ARL3: variants seen among roughly 807,000 people sequenced by gnomAD.
ARL3 encodes ADP-ribosylation factor-like protein 3.
In ARL3, 9 loss-of-function variants were observed where a neutral mutation model predicts 26.0. That is an observed-to-expected ratio of 0.35 (90% CI 0.21 to 0.60). ARL3 has a LOEUF of 0.60. Ranked by LOEUF, ARL3 falls within the 20% of genes least tolerant of loss-of-function variation. The pLI is 0.78. For missense variants in ARL3, 158 were observed against 215.7 expected, an observed-to-expected ratio of 0.73 and a Z score of 1.67; for synonymous variants, 71 against 78.4, an observed-to-expected ratio of 0.91 and a Z score of 0.50.
rs778332463 is a variant in ARL3 at position 102,685,845 on chromosome 10, A to C, written c.472T>G (p.Cys158Gly). The C allele has an allele frequency of 2.5e-6, 4 of 1,613,624 alleles. No homozygotes were observed. In the Admixed American group the frequency reaches 6.7e-5, roughly 27 times the overall value. The change falls in exon 5 of 6, where the codon TGC becomes GGC. Residue 158 changes from cysteine (C) to glycine (G), a missense_variant. Coordinates refer to ENST00000260746, the MANE Select transcript of ARL3 (RefSeq NM_004311.4). ...IRDRVWQIQS[C>G]SALTGEGVQD... The stretch of plus-strand genomic sequence containing the variant: ...ACGCCCTCTCCTGTGAGAGCTGAGC[A>C]AGACTGGATCTGCCAGACTCGGTCG...
At chr10:102,711,446 A>G (rs1177365922) in intron 1 of ARL3, among the ~76,000 whole-genome samples, 1 of 151,944 alleles carries the variant, frequency 6.6e-6, no homozygotes, top group African/African-American at 2.4e-5. Flanking sequence ...CACTGCACAC[A>G]GTTTCAGCTA....
chr10:102,709,983 G>A (rs2064329866), intron 1 of ARL3, among the ~76,000 whole-genome samples: 2 of 150,798 alleles, frequency 1.3e-5, no homozygotes, highest in Admixed American at 6.6e-5. Context: ...GCAGTGAGCC[G>A]AGATCACACC....
intron 5 of ARL3, among the ~76,000 whole-genome samples, chr10:102,684,052 T>C (rs1039587285): frequency 1.5e-4 from 23 of 152,338 alleles, no homozygotes; most frequent in African/African-American, 5.3e-4. Flanking sequence ...AGAGCTGTAC[T>C]TGCACTTTCT....
intron 2 of ARL3, among the ~76,000 whole-genome samples, chr10:102,701,644 G>C (rs2064279967): frequency 6.6e-6 from 1 of 152,100 alleles, no homozygotes. Flanking sequence ...CAGTAATACT[G>C]AATCCTTTCT....
chr10:102,679,712 C>T (rs749606303), intron 5 of ARL3, among the ~76,000 whole-genome samples: 49 of 152,170 alleles, frequency 3.2e-4, no homozygotes, highest in Non-Finnish European at 6.6e-4. Context: ...CCTGCAGCTC[C>T]GATAGTGCCA....
chr10:102,686,071 C>CTTT (rs762594294), intron 4 of ARL3, 70 bp from the exon 5 acceptor site: 447 of 874,322 alleles, frequency 5.1e-4, no homozygotes, highest in South Asian at 8.2e-4. Context: ...CCATACACTA[C>CTTT]TTTTTTTTTT....
chr10:102,704,183 AT>A (rs924400599), intron 2 of ARL3, among the ~76,000 whole-genome samples: 10 of 147,646 alleles, frequency 6.8e-5, no homozygotes, highest in Non-Finnish European at 1.2e-4. Flanking sequence ...AAGGCAGGTA[AT>A]TTTTTTTTCT....
At chr10:102,704,704 G>C (rs1043325978) in intron 2 of ARL3, among the ~76,000 whole-genome samples, 2 of 152,036 alleles carry the variant, frequency 1.3e-5, no homozygotes, top group African/African-American at 2.4e-5. Flanking sequence ...AGATCTGCTG[G>C]ATTTGTCTAT....
chr10:102,677,058 TAG>T, intron 5 of ARL3, 117 bp from the exon 6 acceptor site: 1 of 1,201,048 alleles, frequency 8.3e-7, no homozygotes, highest in South Asian at 1.3e-5. Flanking sequence ...CCGCCAGCTT[TAG>T]GGAGTTTGCT....
chr10:102,680,696 G>A (rs2064152364), intron 5 of ARL3, among the ~76,000 whole-genome samples: 1 of 152,162 alleles, frequency 6.6e-6, no homozygotes, highest in African/African-American at 2.4e-5. Flanking sequence ...TAGCTGGAAG[G>A]AAGCGGTGGC....
At chr10:102,683,096 T>C (rs2064164594) in intron 5 of ARL3, among the ~76,000 whole-genome samples, 1 of 152,198 alleles carries the variant, frequency 6.6e-6, no homozygotes, top group Admixed American at 6.5e-5. Context: ...TAAGCAATGC[T>C]GGAAAGGAAT....
chr10:102,713,777 G>A (rs1229021537), intron 1 of ARL3, among the ~76,000 whole-genome samples: 1 of 152,176 alleles, frequency 6.6e-6, no homozygotes, highest in Non-Finnish European at 1.5e-5. Flanking sequence ...AGCGCGAGAA[G>A]GAGGAGAGCT....
At chr10:102,695,525 T>A (rs901552314) in intron 3 of ARL3, among the ~76,000 whole-genome samples, 2 of 150,946 alleles carry the variant, frequency 1.3e-5, no homozygotes, top group Non-Finnish European at 3.0e-5. Context: ...TGATTTAAAA[T>A]TTTTTTTTTG....
intron 3 of ARL3, among the ~76,000 whole-genome samples, chr10:102,696,178 A>G (rs962148916): frequency 6.7e-6 from 1 of 148,592 alleles, no homozygotes; most frequent in Admixed American, 6.8e-5. Context: ...GTTAGCCAGG[A>G]TGGTCTCGAT....
chr10:102,686,994 C>A (rs551622428), intron 4 of ARL3, among the ~76,000 whole-genome samples: 3 of 150,880 alleles, frequency 2.0e-5, no homozygotes, highest in Non-Finnish European at 4.4e-5. Context: ...TCTGCCTCAG[C>A]CTCCCAAGTG....
chr10:102,679,693 C>A (rs2064145890), intron 5 of ARL3, among the ~76,000 whole-genome samples: 1 of 152,124 alleles, frequency 6.6e-6, no homozygotes, highest in Non-Finnish European at 1.5e-5. Flanking sequence ...GTAGCCCCAG[C>A]CAAGCCTCCC....
intron 2 of ARL3, among the ~76,000 whole-genome samples, chr10:102,703,924 T>A (rs561244590): frequency 6.6e-6 from 1 of 151,360 alleles, no homozygotes; most frequent in Non-Finnish European, 1.5e-5. Context: ...CCGAGGCAGG[T>A]GGACTGCCTG....
At position 102,675,598 on chromosome 10, in the gene ARL3, G is replaced by A. The variant is rs1423058840; in HGVS notation, c.*1296C>T. ...CCCATGTTTGAAGCTGAGGATTTCT[G>A]AGGTTCAGGGAAACAAGCTCGTTTT... On this transcript the variant is annotated 3_prime_UTR_variant, in exon 6 of 6. Transcript: ENST00000260746. 1 of 152,242 alleles carries A rather than the reference G, an allele frequency of 6.6e-6. No homozygotes were observed. The highest frequency in any genetic ancestry group is 1.5e-5 in the Non-Finnish European group (1 of 68,054). 9.4% of individuals were successfully genotyped at this position (152,242 alleles called of 1,614,324 possible).
In ARL3 at chr10:102,686,827, G is replaced by A. The variant is rs1006725108; in HGVS notation, c.316-826C>T. Among the ~76,000 whole-genome samples the A allele has an allele frequency of 4.7e-5, 7 of 148,868 alleles. No individual in the cohort carries two copies. In the Admixed American group the frequency reaches 4.7e-4, roughly 10 times the overall value. On this transcript the variant is annotated intron_variant, in intron 4 of 5. Transcript: ENST00000260746. The stretch of plus-strand genomic sequence containing the variant: ...AGATTCCTGGGCCCAACCCAGAGAT[G>A]CTGACTTTGGAAAGTCTGAGCTAGG...
Sources: allele counts gnomAD v4.1 joint callset (sites outside exome capture counted in the v4.1 genomes callset), GRCh38; gene constraint gnomAD v4.1.1; transcripts MANE v1.5; gene names NCBI Gene and HGNC (gene_info 2026-07-23, HGNC 2026-07-21).